Variants in ERAP2 observed in about 807,000 individuals in gnomAD.
ERAP2 encodes leukocyte-derived arginine aminopeptidase.
ERAP2 carries 118 observed loss-of-function variants against 111.1 expected under a neutral mutation model. The ratio of observed to expected loss-of-function variants is 1.06; its 90% CI spans 0.92 to 1.24. ERAP2 has a LOEUF of 1.24. ERAP2 is among the 50% of genes most tolerant of loss of function. The probability of loss-of-function intolerance (pLI) is 0.00; values close to 1 mark genes in which losing one functional copy is unlikely to be tolerated. For synonymous variants in ERAP2, 410 were observed against 401.2 expected, an observed-to-expected ratio of 1.02 and a Z score of -0.26; for missense variants, 1,131 against 1,125.8, an observed-to-expected ratio of 1.00 and a Z score of -0.07.
intron 5 of ERAP2, among the ~76,000 whole-genome samples, chr5:96,891,250 A>G (rs958127880): frequency 1.3e-5 from 2 of 151,950 alleles, no homozygotes; most frequent in Non-Finnish European, 2.9e-5. Context: ...AGCTAGCAGA[A>G]CTCAAAGACT....
chr5:96,894,269 C>G (rs1055166251), intron 6 of ERAP2, among the ~76,000 whole-genome samples: 1 of 152,178 alleles, frequency 6.6e-6, no homozygotes, highest in African/African-American at 2.4e-5. Context: ...CTTATATTCA[C>G]CGGTTTTCAA....
chr5:96,891,535 TACAC>T (rs140359623), intron 5 of ERAP2, among the ~76,000 whole-genome samples: 21,691 of 138,686 alleles, frequency 0.16, 2,019 homozygotes, highest in South Asian at 0.2. Context: ...ACGGTATATA[TACAC>T]ACACACACAC....
At chr5:96,877,180 G>A (rs756620362) in intron 1 of ERAP2, among the ~76,000 whole-genome samples, 6 of 152,068 alleles carry the variant, frequency 3.9e-5, no homozygotes, top group Non-Finnish European at 7.4e-5. Context: ...TCACCATGTT[G>A]GTGAGGCTGG....
intron 3 of ERAP2, among the ~76,000 whole-genome samples, chr5:96,884,466 A>C (rs1267675413): frequency 1.3e-5 from 2 of 151,888 alleles, no homozygotes; most frequent in South Asian, 4.2e-4. Context: ...CTAGAAGTCT[A>C]TGATGGAACT....
intron 13 of ERAP2, among the ~76,000 whole-genome samples, chr5:96,904,984 TTTTTTAACC>T (rs200077001): frequency 0.038 from 5,765 of 152,282 alleles, 185 homozygotes; most frequent in Middle Eastern, 0.12. Flanking sequence ...CAAGTTTTGT[TTTTTTAACC>T]TTTTTAAGCC....
chr5:96,880,641 A>C (rs1310114415), intron 2 of ERAP2, among the ~76,000 whole-genome samples: 1 of 152,238 alleles, frequency 6.6e-6, no homozygotes, highest in East Asian at 1.9e-4. Flanking sequence ...GGAGAGAGGA[A>C]GTGACAAAGT....
At position 96,914,148 on chromosome 5, in the gene ERAP2, T is replaced by TCACA. The variant is rs1554061288; in HGVS notation, c.2657+708_2657+711dup. ...CTTTCTGTCTCTCTCTCTCTCTCTC[T>TCACA]CACACACACACACACACACAATCAC... On this transcript the variant is annotated intron_variant, in intron 17 of 18. Coordinates refer to ENST00000437043, the MANE Select transcript of ERAP2 (RefSeq NM_022350.5). Among the ~76,000 whole-genome samples the TCACA allele has an allele frequency of 6.8e-3, 1,010 of 148,044 alleles. 5 individuals are homozygous for TCACA. Among genetic ancestry groups the TCACA allele is most frequent in the East Asian group, 0.016 (79 of 4,974 alleles).
intron 15 of ERAP2, 172 bp downstream of exon 15, chr5:96,909,936 A>G: frequency 1.7e-6 from 1 of 596,486 alleles, no homozygotes. Flanking sequence ...TATGGAGACT[A>G]GTACAATCTC....
At chr5:96,910,206 C>A (rs2549799) in intron 15 of ERAP2, 84,902 of 156,616 alleles carry the variant, frequency 0.54, 22,994 homozygotes, top group Admixed American at 0.59. Context: ...CAGAAGTTGC[C>A]GTGAGCCAAG....
rs574886890 is a variant in ERAP2 at position 96,905,099 on chromosome 5, G to C, written c.2012+1539G>C. Among the ~76,000 whole-genome samples the C allele has an allele frequency of 2.0e-5, 3 of 152,214 alleles. No homozygotes were observed. In the South Asian group the frequency reaches 6.2e-4, roughly 32 times the overall value. ...TAATGAAGATAAAGCAGTAAGTGCA[G>C]TACTTACTCAATAAATGTCAGCTGT... On this transcript the variant is annotated intron_variant, in intron 13 of 18. Coordinates refer to ENST00000437043, the MANE Select transcript of ERAP2 (RefSeq NM_022350.5).
rs746100726 is a variant in ERAP2 at position 96,917,571 on chromosome 5, C to T, written c.2849C>T (p.Pro950Leu). The T allele has an allele frequency of 4.9e-5, 79 of 1,613,388 alleles. No homozygotes were observed. Among genetic ancestry groups the T allele is most frequent in the Middle Eastern group, 3.3e-4 (2 of 6,082 alleles). ...KNIKWLEKNLPTLRTWLMVNT is the reference protein window; with the variant it reads ...KNIKWLEKNLLTLRTWLMVNT Reference sequence around the variant, plus strand: ...ATAAAATGGCTGGAGAAGAATCTTCCGACTCTGAGGACTTGGCTAATGGTT... The same window carrying T: ...ATAAAATGGCTGGAGAAGAATCTTCTGACTCTGAGGACTTGGCTAATGGTT... Residue 950 changes from proline (P) to leucine (L), a missense_variant, in exon 19 of 19, where the codon CCG becomes CTG. By Grantham distance (98) the Pro-to-Leu change is moderately conservative. Transcript: ENST00000437043.
intron 4 of ERAP2, among the ~76,000 whole-genome samples, chr5:96,887,110 C>A (rs201547232): frequency 2.7e-5 from 4 of 145,930 alleles, no homozygotes; most frequent in African/African-American, 1.0e-4. Context: ...TACACACACA[C>A]ACACACACAC....
At chr5:96,895,956 A>ACC (rs1215397236) in intron 7 of ERAP2, among the ~76,000 whole-genome samples, 1 of 152,172 alleles carries the variant, frequency 6.6e-6, no homozygotes, top group Non-Finnish European at 1.5e-5. Flanking sequence ...GTTACTGTGT[A>ACC]TGTACTGAAT....
In ERAP2 at chr5:96,901,573, T is replaced by C. The variant is rs752461954; in HGVS notation, c.1640T>C (p.Ile547Thr). Residue 547 changes from isoleucine to threonine, a missense_variant, in exon 11 of 19, where the codon ATC (isoleucine) becomes ACC (threonine). Physicochemically the swap from Ile to Thr is moderately conservative, Grantham distance 89. Around this residue, in one of 3 missense-constraint regions of ERAP2, gnomAD observed 847 missense variants for 856.5 expected, o/e 0.99. Coordinates refer to ENST00000437043, the MANE Select transcript of ERAP2 (RefSeq NM_022350.5). ...ACTACATGGACTCTCCAGAAAGGAA[T>C]CCCCCTGCTGGTGGTTAAACAAGAC... The part of the protein sequence containing the change: ...MMTTWTLQKG[I>T]PLLVVKQDGC... 1 of 1,614,084 alleles carries C rather than the reference T, an allele frequency of 6.2e-7. No homozygotes were observed. The highest frequency in any genetic ancestry group is 8.5e-7 in the Non-Finnish European group (1 of 1,179,978).
Position 96,904,370 on chromosome 5 carries a change from T to C in ERAP2, c.2012+810T>C, listed in dbSNP as rs115091829. On this transcript the variant is annotated intron_variant, in intron 13 of 18. Coordinates refer to ENST00000437043, the MANE Select transcript of ERAP2 (RefSeq NM_022350.5). ...AATTACTGTGATGCACTCACTTTAC[T>C]CAATGTGACATATAATTTTCTTTCA... Among the ~76,000 whole-genome samples, 440 of 152,324 alleles carry C rather than the reference T, an allele frequency of 2.9e-3. 3 individuals carry two copies. Among genetic ancestry groups the C allele is most frequent in the African/African-American group, 0.01 (427 of 41,586 alleles).
chr5:96,884,075 T>A (rs112998554), intron 3 of ERAP2, 145 bp downstream of exon 3: 10 of 601,352 alleles, frequency 1.7e-5, no homozygotes, highest in African/African-American at 1.4e-4. Context: ...TCTATCTATC[T>A]ATCTATCATC....
intron 15 of ERAP2, among the ~76,000 whole-genome samples, chr5:96,912,196 AAAAAAAAAGAAAAG>A (rs1480871765): frequency 6.7e-6 from 1 of 150,034 alleles, no homozygotes; most frequent in Non-Finnish European, 1.5e-5. Context: ...CTCAAAAAAA[AAAAAAAAAGAAAAG>A]AAAAGAAAAA....
chr5:96,887,468 T>G (rs144457839), intron 4 of ERAP2, among the ~76,000 whole-genome samples: 1,575 of 152,148 alleles, frequency 0.01, 38 homozygotes, highest in East Asian at 0.074. Context: ...GCCTGGCTAA[T>G]TTTTGTATAT....
intron 6 of ERAP2, among the ~76,000 whole-genome samples, chr5:96,893,562 C>A (rs1784588361): frequency 6.6e-6 from 1 of 152,188 alleles, no homozygotes; most frequent in Admixed American, 6.6e-5. Flanking sequence ...TCTAATCTTT[C>A]TGCCAGTTGT....
Sources: allele counts gnomAD v4.1 joint callset (sites outside exome capture counted in the v4.1 genomes callset), GRCh38; gene constraint gnomAD v4.1.1; regional missense constraint gnomAD v4.1.1; transcripts MANE v1.5; gene names NCBI Gene and HGNC (gene_info 2026-07-23, HGNC 2026-07-21).